The following KAT5 variants were observed in gnomAD, a reference collection of about 807,000 sequenced individuals.
The protein encoded by KAT5 is lysine acetyltransferase 5.
Under a neutral mutation model 68.1 loss-of-function variants are expected in KAT5, and 31 were observed. That is an observed-to-expected ratio of 0.46 (90% confidence interval 0.34 to 0.61). The LOEUF is 0.61. Ranked by LOEUF, KAT5 falls within the 20% of genes least tolerant of loss-of-function variation. KAT5 has a pLI of 0.01. For missense variants in KAT5, 451 were observed against 725.5 expected (o/e 0.62, Z 4.35); for synonymous variants, 365 against 292.6 (o/e 1.25, Z -2.52).
In KAT5 at chr11:65,716,889, GAGAAAGA is replaced by G; in HGVS notation, c.1173_1179del (p.Glu391AspfsTer12). Reference sequence around the variant, plus strand: ...ACACTCACCTGTCCCCCTTCTCCAGGAGAAAGAATCAACGGAAGACTACAATGTGGCC... The same window carrying G: ...ACACTCACCTGTCCCCCTTCTCCAGGATCAACGGAAGACTACAATGTGGCC... On this transcript the variant is annotated frameshift_variant and splice_region_variant, in exon 10 of 13. Coordinates refer to ENST00000341318, the MANE Select transcript of KAT5 (RefSeq NM_182710.3). LOFTEE classifies it high-confidence loss of function. The G allele has an allele frequency of 6.2e-7, 1 of 1,614,098 alleles. No homozygotes were observed. Among genetic ancestry groups the G allele is most frequent in the South Asian group, 1.1e-5 (1 of 91,082 alleles).
chr11:65,718,536 T>C, intron 10 of KAT5, 54 bp from the exon 11 acceptor site: 1 of 1,569,770 alleles, frequency 6.4e-7, no homozygotes. Flanking sequence ...TTTTAAATGT[T>C]GCTTATGTTC....
In KAT5 at chr11:65,712,767, C is replaced by T. The variant is rs1857066426; in HGVS notation, c.180C>T (p.Pro60=). Residue 60 remains proline (P), a splice_region_variant and synonymous_variant, in exon 2 of 13, where the codon CCC becomes CCT. Coordinates refer to ENST00000341318, the MANE Select transcript of KAT5 (RefSeq NM_182710.3). ...RRNQDNEDEW[P]LAEILSVKDI... is the part of the protein sequence containing the mutation. ...CCCCTGTCTATGCTATTCTCATAGC[C>T]CTGGCCGAGATCCTGAGCGTGAAGG... 6 of 1,613,962 alleles carry T rather than the reference C, an allele frequency of 3.7e-6. No homozygotes were observed. The highest frequency in any genetic ancestry group is 4.2e-6 in the Non-Finnish European group (5 of 1,179,970).
Position 65,712,448 on chromosome 11 carries a change from G to C in KAT5, c.178+3G>C. 1 of 1,589,978 alleles carries C rather than the reference G, an allele frequency of 6.3e-7. No individual in the cohort carries two copies. The highest frequency in any genetic ancestry group is 8.5e-7 in the Non-Finnish European group (1 of 1,173,796). ...CCAGGACAACGAAGATGAGTGGCGT[G>C]AGTGACGTTGGGGGGCGGGACTAAG... On this transcript the variant is annotated splice_donor_region_variant and intron_variant, in intron 1 of 12. Coordinates refer to ENST00000341318, the MANE Select transcript of KAT5 (RefSeq NM_182710.3).
intron 8 of KAT5, 38 bp from the exon 9 acceptor site, chr11:65,716,629 G>A (rs111516377): frequency 5.9e-5 from 95 of 1,603,638 alleles, no homozygotes; most frequent in Admixed American, 1.7e-4. Context: ...GGCTCAAGGC[G>A]GGATACCCAG....
chr11:65,718,249 C>A, intron 10 of KAT5: 1 of 232,646 alleles, frequency 4.3e-6, no homozygotes, highest in Non-Finnish European at 8.5e-6. Context: ...AGACACAGAG[C>A]CCGGGATGGC....
Position 65,718,642 on chromosome 11 carries a change from C to G in KAT5, c.1317C>G (p.Leu439=), listed in dbSNP as rs1162169521. 4 of 1,614,118 alleles carry G rather than the reference C, an allele frequency of 2.5e-6. No homozygotes were observed. Among genetic ancestry groups the G allele is most frequent in the Non-Finnish European group, 3.4e-6 (4 of 1,180,034 alleles). ...EGKTGTPEKP[L]SDLGLLSYRS... Reference sequence around the variant, plus strand: ...AAACAGGGACCCCTGAGAAGCCCCTCTCAGACCTTGGCCTCCTATCCTATC... The same window carrying G: ...AAACAGGGACCCCTGAGAAGCCCCTGTCAGACCTTGGCCTCCTATCCTATC... Residue 439 remains leucine, a synonymous_variant, in exon 11 of 13, where the codon CTC becomes CTG. Transcript: ENST00000341318.
At position 65,716,891 on chromosome 11, in the gene KAT5, G is replaced by T; in HGVS notation, c.1173G>T (p.Glu391Asp). The change falls in exon 10 of 13, where the codon GAG (glutamate) becomes GAT (aspartate). Residue 391 changes from glutamate (E) to aspartate (D), a missense_variant and splice_region_variant. Coordinates refer to ENST00000341318, the MANE Select transcript of KAT5 (RefSeq NM_182710.3). The stretch of plus-strand genomic sequence containing the variant: ...ACTCACCTGTCCCCCTTCTCCAGGA[G>T]AAAGAATCAACGGAAGACTACAATG... ...GFHIVGYFSK[E>D]KESTEDYNVA... The T allele has an allele frequency of 6.2e-7, 1 of 1,614,162 alleles. No homozygotes were observed. The highest frequency in any genetic ancestry group is 8.5e-7 in the Non-Finnish European group (1 of 1,179,988).
chr11:65,717,221 C>CAG (rs1857228030), intron 10 of KAT5: 2 of 581,758 alleles, frequency 3.4e-6, no homozygotes, highest in African/African-American at 3.7e-5. Flanking sequence ...AAGTGCCACT[C>CAG]AGCTTTCCCC....
At chr11:65,712,589 C>T (rs1012831415) in intron 1 of KAT5, 144 bp downstream of exon 1, 2 of 1,216,998 alleles carry the variant, frequency 1.6e-6, no homozygotes, top group African/African-American at 1.5e-5. Flanking sequence ...CTCTTAGCTG[C>T]TCCGAGAGGT....
intron 1 of KAT5, 110 bp from the exon 2 acceptor site, chr11:65,712,656 C>A: frequency 7.3e-7 from 1 of 1,377,084 alleles, no homozygotes. Flanking sequence ...TTAGGAGAGA[C>A]CTAAGTGCTG....
At chr11:65,714,429 C>T in intron 6 of KAT5, 66 bp from the exon 7 acceptor site, 1 of 1,565,088 alleles carries the variant, frequency 6.4e-7, no homozygotes, top group Admixed American at 1.7e-5. Context: ...TGTCAAAGGG[C>T]TGTGAGCTGT....
chr11:65,713,282 C>A, intron 3 of KAT5, 66 bp from the exon 4 acceptor site: 1 of 1,538,918 alleles, frequency 6.5e-7, no homozygotes, highest in Non-Finnish European at 8.9e-7. Flanking sequence ...TGAGGGACCC[C>A]TCTTCCCCTT....
chr11:65,712,540 G>A, intron 1 of KAT5, 95 bp downstream of exon 1: 1 of 1,419,206 alleles, frequency 7.0e-7, no homozygotes, highest in South Asian at 1.3e-5. Context: ...TGGAATTATG[G>A]GGCGGGCGAG....
chr11:65,718,945 C>A lies in KAT5; in HGVS notation c.1497C>A (p.Asn499Lys). ...ISTLQYLNLINYYKGQYILTL... is the reference protein window; with the variant it reads ...ISTLQYLNLIKYYKGQYILTL... Reference sequence around the variant, plus strand: ...CTCTGCAGTACCTCAATCTCATCAACTACTACAAGGTAGGGAGGCAGGCAG... The same window carrying A: ...CTCTGCAGTACCTCAATCTCATCAAATACTACAAGGTAGGGAGGCAGGCAG... The change falls in exon 12 of 13, where the codon AAC (asparagine) becomes AAA (lysine). Residue 499 changes from asparagine (N) to lysine (K), a missense_variant. Physicochemically the swap from Asn to Lys is moderately conservative, Grantham distance 94. Transcript: ENST00000341318. The A allele has an allele frequency of 6.2e-7, 1 of 1,614,182 alleles. No homozygotes were observed. The highest frequency in any genetic ancestry group is 2.2e-5 in the East Asian group (1 of 44,890).
chr11:65,714,458 C>T (rs569293092), intron 6 of KAT5, 37 bp from the exon 7 acceptor site: 3 of 1,604,438 alleles, frequency 1.9e-6, no homozygotes, highest in East Asian at 4.5e-5. Flanking sequence ...GCTGAGCTGT[C>T]TCTTACAACC....
In KAT5 at chr11:65,712,287, C is replaced by T. The variant is rs1367727762; in HGVS notation, c.20C>T (p.Pro7Leu). Residue 7 changes from proline to leucine, a missense_variant, in exon 1 of 13, where the codon CCG becomes CTG. Pro to Leu is a moderately conservative substitution (Grantham distance 98, BLOSUM62 -3). Transcript: ENST00000341318. ...GGGAAGATGGCGGAGGTGGTGAGTC[C>T]GGTGCCCGGGGCGGGGCGGAGGGAG... MAEVVSPVPGAGRREPG... is the reference protein window; with the variant it reads MAEVVSLVPGAGRREPG... 12 of 1,438,242 alleles carry T rather than the reference C, an allele frequency of 8.3e-6. No homozygotes were observed. Among genetic ancestry groups the T allele is most frequent in the Middle Eastern group, 2.2e-4 (1 of 4,618 alleles). 89.1% of individuals were successfully genotyped at this position (1,438,242 alleles called of 1,614,324 possible). A position where few individuals can be genotyped will look rare whatever the true frequency, so the allele number is the denominator to read the frequency against.
Position 65,712,427 on chromosome 11 carries a change from G to A in KAT5, c.160G>A (p.Asp54Asn), listed in dbSNP as rs1857050985. 6.3e-7 allele frequency: 1 copy of A among 1,595,442 alleles called. No individual in the cohort carries two copies. The highest frequency in any genetic ancestry group is 2.3e-5 in the East Asian group (1 of 44,240). The change falls in exon 1 of 13, where the codon GAC (aspartate) becomes AAC (asparagine). Residue 54 changes from aspartate to asparagine, a missense_variant. By Grantham distance (23) the Asp-to-Asn change is conservative. Transcript: ENST00000341318. ...CCTACCCGTGCTGCGGCGGAACCAG[G>A]ACAACGAAGATGAGTGGCGTGAGTG... ...CRLPVLRRNQ[D>N]NEDEWPLAEI... is the part of the protein sequence containing the mutation.
rs954432764 is a variant in KAT5 at position 65,712,833 on chromosome 11, C to T, written c.246C>T (p.Asp82=). 27 of 1,614,024 alleles carry T rather than the reference C, an allele frequency of 1.7e-5. No homozygotes were observed. Among genetic ancestry groups the T allele is most frequent in the African/African-American group, 2.7e-5 (2 of 74,898 alleles). ...GRKLFYVHYI[D]FNKRLDEWVT... is the part of the protein sequence containing the mutation. ...AGCTTTTCTACGTCCATTACATTGA[C>T]TGTGAGTTCTGGGCCTGAGGTGGGG... The change falls in exon 2 of 13, where the codon GAC becomes GAT. Residue 82 remains aspartate (D), a splice_region_variant and synonymous_variant. Coordinates refer to ENST00000341318, the MANE Select transcript of KAT5 (RefSeq NM_182710.3).
At position 65,719,513 on chromosome 11, in the gene KAT5, T is replaced by C; in HGVS notation, c.*332T>C. 1.6e-6 allele frequency: 1 copy of C among 612,002 alleles called. No individual in the cohort carries two copies. The highest frequency in any genetic ancestry group is 2.9e-6 in the Non-Finnish European group (1 of 347,772). The allele number at this position is 612,002 out of a possible 1,614,324, so 37.9% of individuals were successfully genotyped here. On this transcript the variant is annotated 3_prime_UTR_variant, in exon 13 of 13. Transcript: ENST00000341318. Reference sequence around the variant, plus strand: ...GATTGTAAAAATTTCTTTTGTAAAGTAGAAGTTGGGGGTGGGGTGGGTGCT... The same window carrying C: ...GATTGTAAAAATTTCTTTTGTAAAGCAGAAGTTGGGGGTGGGGTGGGTGCT...
Sources: allele counts gnomAD v4.1 joint callset, GRCh38; gene constraint gnomAD v4.1.1; transcripts MANE v1.5; gene names NCBI Gene and HGNC (gene_info 2026-07-23, HGNC 2026-07-21).